Variants in PCDHA13 observed in about 807,000 individuals in gnomAD.
The protein encoded by PCDHA13 is protocadherin alpha 13.
A neutral mutation model predicts 64.8 loss-of-function variants in PCDHA13; 54 were observed. That is an observed-to-expected ratio of 0.83 (90% CI 0.67 to 1.04). The LOEUF (loss-of-function observed/expected upper bound fraction) is 1.04, where lower values mean the gene tolerates loss of function less well. Ranked by LOEUF, PCDHA13 falls within the 50% of genes least tolerant of loss-of-function variation. PCDHA13 has a pLI of 0.00. For missense variants in PCDHA13, 1,248 were observed against 1,254.3 expected (o/e 0.99, Z 0.08); for synonymous variants, 587 against 564.4 (o/e 1.04, Z -0.57).
chr5:140,964,949 G>A (rs1322269042), intron 1 of PCDHA13, among the ~76,000 whole-genome samples: 1 of 152,226 alleles, frequency 6.6e-6, no homozygotes, highest in Non-Finnish European at 1.5e-5. Flanking sequence ...TAGTGAGTGT[G>A]CTTGGTTGGT....
At chr5:140,977,862 A>G (rs142967836) in intron 1 of PCDHA13, among the ~76,000 whole-genome samples, 3 of 152,372 alleles carry the variant, frequency 2.0e-5, no homozygotes, top group African/African-American at 7.2e-5. Context: ...TCTACCAAAT[A>G]TGGTAAGTAT....
At chr5:140,998,099 CAGA>C (rs2097796305) in intron 3 of PCDHA13, among the ~76,000 whole-genome samples, 1 of 152,130 alleles carries the variant, frequency 6.6e-6, no homozygotes, top group African/African-American at 2.4e-5. Context: ...CTAGAGCAAA[CAGA>C]GGAGAAAATT....
intron 1 of PCDHA13, among the ~76,000 whole-genome samples, chr5:140,926,054 T>A (rs1018660828): frequency 6.6e-6 from 1 of 152,182 alleles, no homozygotes; most frequent in African/African-American, 2.4e-5. Flanking sequence ...CCCAACCTTC[T>A]TCCCCTCCTT....
chr5:140,967,052 A>C (rs1554229118), intron 1 of PCDHA13: 1 of 1,612,532 alleles, frequency 6.2e-7, no homozygotes, highest in Non-Finnish European at 8.5e-7. Context: ...GGACCTGACG[A>C]GTGGAGCGCT....
At chr5:140,962,077 G>T (rs2095655013) in intron 1 of PCDHA13, among the ~76,000 whole-genome samples, 1 of 151,866 alleles carries the variant, frequency 6.6e-6, no homozygotes, top group South Asian at 2.1e-4. Flanking sequence ...AGTAGAGACG[G>T]GGTTTCACCA....
At chr5:140,929,281 C>A in intron 1 of PCDHA13, 1 of 1,602,592 alleles carries the variant, frequency 6.2e-7, no homozygotes, top group Non-Finnish European at 8.5e-7. Context: ...ATCCTGTATT[C>A]AGATTCGGAA....
chr5:140,893,198 C>T (rs1242904411), intron 1 of PCDHA13, among the ~76,000 whole-genome samples: 2 of 152,164 alleles, frequency 1.3e-5, no homozygotes, highest in Admixed American at 6.5e-5. Flanking sequence ...AATAGTGCTG[C>T]AGTAAGTATG....
At chr5:140,932,349 C>A (rs2088248613) in intron 1 of PCDHA13, among the ~76,000 whole-genome samples, 1 of 151,900 alleles carries the variant, frequency 6.6e-6, no homozygotes, top group Admixed American at 6.6e-5. Flanking sequence ...ACTTACCATA[C>A]AACTGGCCTT....
chr5:140,969,261 T>G (rs2153777840), intron 1 of PCDHA13: 1 of 1,614,180 alleles, frequency 6.2e-7, no homozygotes, highest in South Asian at 1.1e-5. Flanking sequence ...AGCAGGAATC[T>G]CACAGGCCAA....
Position 140,886,603 on chromosome 5 carries a change from G to GGATCAGGA in PCDHA13, c.2394+1951_2394+1958dup, listed in dbSNP as rs567691866. On this transcript the variant is annotated intron_variant, in intron 1 of 3. Coordinates refer to ENST00000289272, the MANE Select transcript of PCDHA13 (RefSeq NM_018904.3). ...AGCACTTTGGGAGGCCAAGGTGGGC[G>GGATCAGGA]GATCAGGAGATCAGGAGTCCGAGAC... 2.7e-3 allele frequency among the ~76,000 whole-genome samples: 409 copies of GGATCAGGA among 152,092 alleles called. 3 individuals carry two copies. The highest frequency in any genetic ancestry group is 0.014 in the Middle Eastern group (4 of 294).
chr5:140,991,253 C>T (rs912017745), intron 3 of PCDHA13, among the ~76,000 whole-genome samples: 1 of 152,178 alleles, frequency 6.6e-6, no homozygotes, highest in East Asian at 1.9e-4. Context: ...AGTATTTGAA[C>T]TCATGTCTGC....
At chr5:140,907,416 T>C (rs1209334366) in intron 1 of PCDHA13, among the ~76,000 whole-genome samples, 1 of 152,206 alleles carries the variant, frequency 6.6e-6, no homozygotes, top group East Asian at 1.9e-4. Flanking sequence ...ACCACGATGG[T>C]GGATAAGGCA....
At chr5:140,974,151 G>A (rs2096617637) in intron 1 of PCDHA13, among the ~76,000 whole-genome samples, 1 of 152,118 alleles carries the variant, frequency 6.6e-6, no homozygotes, top group Non-Finnish European at 1.5e-5. Context: ...ACTATACAAG[G>A]GTTTTTCTTT....
rs782699904 is a variant in PCDHA13 at position 140,969,414 on chromosome 5, G to A, written c.2395-9535G>A. The A allele has an allele frequency of 6.4e-6, 10 of 1,566,012 alleles. No homozygotes were observed. The Admixed American group carries it at 1.3e-4, about 21-fold the overall frequency. On this transcript the variant is annotated intron_variant, in intron 1 of 3. Coordinates refer to ENST00000289272, the MANE Select transcript of PCDHA13 (RefSeq NM_018904.3). ...ATATCCTGTGATTTGGCTTTATTGA[G>A]TCATTAACAGTGACAAGAGTTATCT...
intron 1 of PCDHA13, among the ~76,000 whole-genome samples, chr5:140,969,910 A>G (rs1364534841): frequency 9.9e-5 from 15 of 152,216 alleles, no homozygotes; most frequent in African/African-American, 3.6e-4. Context: ...GTCACAAGTG[A>G]TAAAGCTGTA....
intron 1 of PCDHA13, among the ~76,000 whole-genome samples, chr5:140,940,219 T>C (rs1554213221): frequency 6.6e-6 from 1 of 152,180 alleles, no homozygotes; most frequent in Non-Finnish European, 1.5e-5. Context: ...TTGGCATTTA[T>C]TTCATTTTGG....
intron 1 of PCDHA13, among the ~76,000 whole-genome samples, chr5:140,937,106 C>G (rs2091337574): frequency 6.7e-6 from 1 of 149,110 alleles, no homozygotes; most frequent in African/African-American, 2.5e-5. Context: ...GGCGCAGTCT[C>G]GGCTCACTGC....
intron 1 of PCDHA13, chr5:140,967,059 C>A (rs2153750398): frequency 6.2e-7 from 1 of 1,612,750 alleles, no homozygotes; most frequent in Non-Finnish European, 8.5e-7. Context: ...ACGAGTGGAG[C>A]GCTCTTCGTC....
At chr5:140,955,458 T>C (rs246018) in intron 1 of PCDHA13, among the ~76,000 whole-genome samples, 85,567 of 151,850 alleles carry the variant, frequency 0.56, 24,724 homozygotes, top group African/African-American at 0.69. Flanking sequence ...AAGGGCTTTT[T>C]CCTTTTTGCT....
Sources: gnomAD v4.1 joint callset for allele counts (sites outside exome capture counted in the v4.1 genomes callset) on GRCh38, gnomAD v4.1.1 for gene constraint, MANE v1.5 for transcripts, NCBI Gene and HGNC (gene_info 2026-07-23, HGNC 2026-07-21) for gene names.